PTPRC: variants seen among roughly 807,000 people sequenced by gnomAD.
PTPRC encodes the protein protein tyrosine phosphatase receptor type C.
In PTPRC, 44 loss-of-function variants were observed where a neutral mutation model predicts 155.9. That is an observed-to-expected ratio of 0.28 (90% confidence interval 0.22 to 0.36). The LOEUF (loss-of-function observed/expected upper bound fraction) is 0.36. Ranked by LOEUF, PTPRC falls within the 10% of genes least tolerant of loss-of-function variation. PTPRC has a pLI of 1.00. For synonymous variants in PTPRC, 525 were observed against 533.1 expected, an observed-to-expected ratio of 0.98 and a Z score of 0.21; for missense variants, 1,401 against 1,564.6, an observed-to-expected ratio of 0.90 and a Z score of 1.76.
In PTPRC at chr1:198,706,865, C is replaced by G; in HGVS notation, c.817C>G (p.Leu273Val). The G allele has an allele frequency of 6.2e-7, 1 of 1,613,520 alleles. No individual in the cohort carries two copies. Among genetic ancestry groups the G allele is most frequent in the Non-Finnish European group, 8.5e-7 (1 of 1,179,502 alleles). Residue 273 changes from leucine (L) to valine (V), a missense_variant, in exon 9 of 33, where the codon CTT (leucine) becomes GTT (valine). This residue lies in a region of PTPRC where 867 missense variants were observed against 970.4 expected (regional missense o/e 0.89). Coordinates refer to ENST00000442510, the MANE Select transcript of PTPRC (RefSeq NM_002838.5). Reference protein sequence around the residue: ...NTCTNNEVHNLTECKNASVSI... With the variant: ...NTCTNNEVHNVTECKNASVSI... ...TTGCACAAACAATGAGGTGCATAAC[C>G]TTACAGAATGTAAAAATGCGTCTGT...
In PTPRC at chr1:198,643,337, A is replaced by G. The variant is rs949866471; in HGVS notation, c.73+3996A>G. On this transcript the variant is annotated intron_variant, in intron 2 of 32. Coordinates refer to ENST00000442510, the MANE Select transcript of PTPRC (RefSeq NM_002838.5). ...TTTTTCACCAGACACTGAATAAATC[A>G]TAGATTAAAAAAATAAAACTGCATA... Among the ~76,000 whole-genome samples the G allele has an allele frequency of 4.6e-5, 7 of 152,046 alleles. No homozygotes were observed. In the South Asian group the frequency reaches 1.0e-3, roughly 23 times the overall value.
At position 198,754,387 on chromosome 1, in the gene PTPRC, G is replaced by C. The variant is rs760919067; in HGVS notation, c.3628G>C (p.Gly1210Arg). Residue 1210 changes from glycine to arginine, a missense_variant, in exon 32 of 33, where the codon GGC becomes CGC. Physicochemically the swap from Gly to Arg is moderately radical, Grantham distance 125 (BLOSUM62 -2). This residue lies in a region of PTPRC where 400 missense variants were observed against 389.5 expected (regional missense o/e 1.03). Coordinates refer to ENST00000442510, the MANE Select transcript of PTPRC (RefSeq NM_002838.5). Reference protein sequence around the residue: ...VVKALRKARPGMVSTFEQYQF... With the variant: ...VVKALRKARPRMVSTFEQYQF... ...AAAAGCTCTACGCAAAGCTAGGCCA[G>C]GCATGGTTTCCACATTCGTAAGTAT... 2 of 1,613,374 alleles carry C rather than the reference G, an allele frequency of 1.2e-6. No homozygotes were observed. Among genetic ancestry groups the C allele is most frequent in the South Asian group, 2.2e-5 (2 of 91,062 alleles).
At chr1:198,660,319 T>C (rs1182609203) in intron 2 of PTPRC, among the ~76,000 whole-genome samples, 1 of 152,086 alleles carries the variant, frequency 6.6e-6, no homozygotes, top group Non-Finnish European at 1.5e-5. Context: ...TAATTTTTAC[T>C]GTGTTCAGGG....
chr1:198,727,150 T>C (rs12136253), intron 15 of PTPRC, among the ~76,000 whole-genome samples: 2,048 of 152,178 alleles, frequency 0.013, 25 homozygotes, highest in Non-Finnish European at 0.016. Flanking sequence ...GGTAAGCCAC[T>C]GCGCCTGTCT....
rs541476557 is a variant in PTPRC, at chr1:198,735,013, C to T, written c.2278-114C>T. The T allele has an allele frequency of 1.2e-5, 11 of 930,512 alleles. No individual in the cohort carries two copies. The African/African-American group carries it at 1.9e-4, about 16-fold the overall frequency. The allele number at this position is 930,512 out of a possible 1,614,324, so 57.6% of individuals were successfully genotyped here. A position where few individuals can be genotyped will look rare whatever the true frequency, so the allele number is the denominator to read the frequency against. ...GTTTATATGTGCTTAAACTATACAACTGTTTTGAGAATTTCAAATGAGTAT... is the reference window on the plus strand; with the variant it reads ...GTTTATATGTGCTTAAACTATACAATTGTTTTGAGAATTTCAAATGAGTAT... On this transcript the variant is annotated intron_variant, in intron 22 of 32. Transcript: ENST00000442510.
chr1:198,689,419 A>G (rs1376099957), intron 2 of PTPRC, among the ~76,000 whole-genome samples: 1 of 152,140 alleles, frequency 6.6e-6, no homozygotes, highest in Non-Finnish European at 1.5e-5. Context: ...ATGAAACTCT[A>G]TCTATAGTTG....
intron 2 of PTPRC, among the ~76,000 whole-genome samples, chr1:198,652,167 T>G (rs1414555373): frequency 1.1e-4 from 17 of 151,846 alleles, no homozygotes; most frequent in Admixed American, 1.1e-3. Flanking sequence ...AAAATCTCAG[T>G]ACAGGAGAAA....
At chr1:198,658,481 G>A (rs938431640) in intron 2 of PTPRC, among the ~76,000 whole-genome samples, 7 of 152,108 alleles carry the variant, frequency 4.6e-5, no homozygotes, top group African/African-American at 1.4e-4. Context: ...TCCTTGAGAC[G>A]GAATGATAAG....
chr1:198,708,950 G>A (rs901083510), intron 10 of PTPRC, among the ~76,000 whole-genome samples: 3 of 152,220 alleles, frequency 2.0e-5, no homozygotes, highest in African/African-American at 7.2e-5. Context: ...TACACACATA[G>A]AGGATGGAGC....
intron 26 of PTPRC, among the ~76,000 whole-genome samples, chr1:198,744,768 G>A (rs955908912): frequency 6.6e-6 from 1 of 151,794 alleles, no homozygotes; most frequent in Non-Finnish European, 1.5e-5. Context: ...AAAATGTTTT[G>A]TGTTTTTTTT....
At chr1:198,733,897 A>G (rs1187129236) in intron 20 of PTPRC, among the ~76,000 whole-genome samples, 3 of 151,786 alleles carry the variant, frequency 2.0e-5, no homozygotes, top group African/African-American at 7.2e-5. Context: ...TGTCTAGAGC[A>G]CTCTTGTAAA....
At chr1:198,714,530 A>G (rs753884986) in intron 12 of PTPRC, among the ~76,000 whole-genome samples, 5 of 152,194 alleles carry the variant, frequency 3.3e-5, no homozygotes, top group Non-Finnish European at 7.4e-5. Flanking sequence ...GAGGCTAGCT[A>G]TCAGGCTGTG....
At chr1:198,731,799 C>A in intron 18 of PTPRC, 73 bp downstream of exon 18, 1 of 1,184,610 alleles carries the variant, frequency 8.4e-7, no homozygotes, top group Non-Finnish European at 1.3e-6. Flanking sequence ...ATTTATATTG[C>A]CATTTGCCTT....
intron 12 of PTPRC, among the ~76,000 whole-genome samples, chr1:198,714,808 TC>T (rs1353647897): frequency 6.6e-6 from 1 of 152,200 alleles, no homozygotes; most frequent in African/African-American, 2.4e-5. Flanking sequence ...AGGAAGAAAG[TC>T]TATGAAATTT....
At position 198,704,489 on chromosome 1, in the gene PTPRC, C is replaced by G. The variant is rs746042319; in HGVS notation, c.676C>G (p.Pro226Ala). The change falls in exon 8 of 33, where the codon CCA (proline) becomes GCA (alanine). Residue 226 changes from proline (P) to alanine (A), a missense_variant. Physicochemically the swap from Pro to Ala is conservative, Grantham distance 27 (BLOSUM62 -1). This residue lies in a region of PTPRC where 867 missense variants were observed against 970.4 expected (regional missense o/e 0.89). Coordinates refer to ENST00000442510, the MANE Select transcript of PTPRC (RefSeq NM_002838.5). ...CATTACAGCTACTACTCCATCTAAG[C>G]CAACATGTGGTAAGTTTATTTACTT... ...TTTIATTPSK[P>A]TCDEKYANIT... 6.2e-7 allele frequency: 1 copy of G among 1,613,818 alleles called. No homozygotes were observed. Among genetic ancestry groups the G allele is most frequent in the African/African-American group, 1.3e-5 (1 of 74,862 alleles).
chr1:198,703,134 T>C (rs1383020185), intron 6 of PTPRC, among the ~76,000 whole-genome samples, 164 bp from the exon 7 acceptor site: 2 of 152,228 alleles, frequency 1.3e-5, no homozygotes, highest in Non-Finnish European at 2.9e-5. Flanking sequence ...TTGAAATAAA[T>C]CTTTGATTCA....
intron 2 of PTPRC, among the ~76,000 whole-genome samples, chr1:198,666,240 C>CAAAAA (rs756815638): frequency 9.8e-6 from 1 of 101,818 alleles, no homozygotes. Context: ...GACCCTGTCT[C>CAAAAA]AAAAAAAAAA....
intron 4 of PTPRC, among the ~76,000 whole-genome samples, chr1:198,697,590 A>G (rs1241070726): frequency 6.6e-6 from 1 of 152,190 alleles, no homozygotes; most frequent in East Asian, 1.9e-4. Flanking sequence ...TGCTCATTTA[A>G]TGTTTAGCAA....
intron 2 of PTPRC, among the ~76,000 whole-genome samples, chr1:198,676,240 A>G (rs1664942998): frequency 1.3e-5 from 2 of 152,214 alleles, no homozygotes; most frequent in African/African-American, 4.8e-5. Flanking sequence ...TAAAATGGTG[A>G]CTAGTTTAGC....
Sources: gnomAD v4.1 joint callset for allele counts (sites outside exome capture counted in the v4.1 genomes callset) on GRCh38, gnomAD v4.1.1 for gene constraint, gnomAD v4.1.1 regional missense constraint, MANE v1.5 for transcripts, NCBI Gene and HGNC (gene_info 2026-07-23, HGNC 2026-07-21) for gene names.